The following CPA6 variants were observed in gnomAD, a reference collection of about 807,000 sequenced individuals.
CPA6 encodes the protein carboxypeptidase B.
Under a neutral mutation model 63.3 loss-of-function variants are expected in CPA6, and 58 were observed. That is an observed-to-expected ratio of 0.92 (90% CI 0.74 to 1.14). The LOEUF is 1.14. CPA6 is among the 50% of genes most tolerant of loss of function. CPA6 has a pLI of 0.00. For missense variants in CPA6, 565 were observed against 526.6 expected (o/e 1.07, Z -0.71); for synonymous variants, 185 against 179.0 (o/e 1.03, Z -0.27).
chr8:67,721,501 C>T (rs1288379241), intron 1 of CPA6, among the ~76,000 whole-genome samples: 2 of 152,144 alleles, frequency 1.3e-5, no homozygotes, highest in Non-Finnish European at 2.9e-5. Context: ...TTTTGATGTA[C>T]CTTGTCACCC....
chr8:67,662,633 A>T (rs1358739180), intron 1 of CPA6, among the ~76,000 whole-genome samples: 4 of 151,076 alleles, frequency 2.6e-5, no homozygotes, highest in African/African-American at 9.8e-5. Context: ...TAGAATACAT[A>T]CACACATGTA....
At chr8:67,611,677 G>A (rs1814810655) in intron 2 of CPA6, among the ~76,000 whole-genome samples, 2 of 152,156 alleles carry the variant, frequency 1.3e-5, no homozygotes, top group Admixed American at 6.5e-5. Context: ...ACACTGGGAA[G>A]GAAGGAAATT....
At chr8:67,607,935 A>G (rs1814708178) in intron 2 of CPA6, among the ~76,000 whole-genome samples, 1 of 152,114 alleles carries the variant, frequency 6.6e-6, no homozygotes. Context: ...TTGGTCACAT[A>G]ACAGACAAAG....
intron 1 of CPA6, among the ~76,000 whole-genome samples, chr8:67,736,212 C>T (rs553475589): frequency 6.6e-6 from 1 of 152,312 alleles, no homozygotes; most frequent in East Asian, 1.9e-4. Flanking sequence ...CTTATTTCTA[C>T]CACCTGGTGT....
chr8:67,468,699 T>C (rs1052119661), intron 8 of CPA6, among the ~76,000 whole-genome samples: 11 of 152,180 alleles, frequency 7.2e-5, no homozygotes, highest in Admixed American at 2.0e-4. Context: ...CTCTGTGACA[T>C]AACCCCACTT....
chr8:67,697,776 A>AAT (rs1563397689), intron 1 of CPA6, among the ~76,000 whole-genome samples: 2 of 151,856 alleles, frequency 1.3e-5, no homozygotes, highest in African/African-American at 4.8e-5. Context: ...GAAAAAAAAA[A>AAT]CTAATTTTAT....
intron 2 of CPA6, among the ~76,000 whole-genome samples, chr8:67,613,689 A>T (rs1366844322): frequency 6.6e-6 from 1 of 152,232 alleles, no homozygotes; most frequent in Non-Finnish European, 1.5e-5. Context: ...TCCTGGGTAG[A>T]AGAGGGCAGT....
At chr8:67,518,594 C>A (rs1428158947) in intron 2 of CPA6, among the ~76,000 whole-genome samples, 1 of 150,406 alleles carries the variant, frequency 6.6e-6, no homozygotes, top group African/African-American at 2.4e-5. Context: ...GCAATCTCTG[C>A]CTCCTGGGTT....
intron 2 of CPA6, among the ~76,000 whole-genome samples, chr8:67,521,304 T>C (rs1231278235): frequency 1.3e-5 from 2 of 152,252 alleles, no homozygotes; most frequent in Admixed American, 6.5e-5. Flanking sequence ...GGTATTTCAG[T>C]GTCTTGCTCA....
intron 8 of CPA6, among the ~76,000 whole-genome samples, chr8:67,472,687 C>T (rs184773062): frequency 1.3e-4 from 20 of 152,250 alleles, no homozygotes; most frequent in Middle Eastern, 6.8e-3. Flanking sequence ...CTTGGCCTCC[C>T]CAAATGCTGG....
At chr8:67,515,673 C>T (rs1166697775) in intron 3 of CPA6, among the ~76,000 whole-genome samples, 1 of 152,142 alleles carries the variant, frequency 6.6e-6, no homozygotes, top group Admixed American at 6.5e-5. Context: ...TTTCTCCCAC[C>T]TCCTCTAATC....
At chr8:67,447,382 T>A (rs1810449549) in intron 8 of CPA6, among the ~76,000 whole-genome samples, 1 of 152,104 alleles carries the variant, frequency 6.6e-6, no homozygotes, top group Non-Finnish European at 1.5e-5. Flanking sequence ...ACATGACTAC[T>A]GACCTGAAAG....
At chr8:67,496,538 T>C (rs1811718172) in intron 6 of CPA6, among the ~76,000 whole-genome samples, 1 of 139,242 alleles carries the variant, frequency 7.2e-6, no homozygotes, top group Non-Finnish European at 1.5e-5. Flanking sequence ...TATATATATA[T>C]ATATATATAT....
chr8:67,506,800 C>T lies in CPA6; in HGVS notation c.623G>A (p.Trp208Ter), dbSNP rs1811936949. ...GGTTTAACTTACTTCTTTTACAAAC[C>T]ACTGACAAAAGGCAGGACCAATCCA... Reference protein sequence around the residue: ...REWIGPAFCQWFVKEALLTYK... With the variant: ...REWIGPAFCQ The change falls in exon 6 of 11, where the codon TGG becomes TAG. Residue 208 changes from tryptophan (W) to a stop codon, truncating the protein, a stop_gained. Transcript: ENST00000297770. LOFTEE classifies it high-confidence loss of function. The T allele has an allele frequency of 6.2e-7, 1 of 1,610,272 alleles. No homozygotes were observed. The highest frequency in any genetic ancestry group is 8.5e-7 in the Non-Finnish European group (1 of 1,176,670).
intron 3 of CPA6, among the ~76,000 whole-genome samples, chr8:67,515,312 T>G (rs1875714): frequency 1.3e-5 from 2 of 151,960 alleles, no homozygotes; most frequent in Non-Finnish European, 2.9e-5. Flanking sequence ...TCCACTGATG[T>G]CCCTTCTCGC....
At chr8:67,683,832 A>G (rs1816649198) in intron 1 of CPA6, among the ~76,000 whole-genome samples, 1 of 150,986 alleles carries the variant, frequency 6.6e-6, no homozygotes, top group African/African-American at 2.4e-5. Context: ...TATTCTTCAT[A>G]TTGGGGGGAG....
At chr8:67,464,760 A>G (rs1810889218) in intron 8 of CPA6, among the ~76,000 whole-genome samples, 1 of 152,234 alleles carries the variant, frequency 6.6e-6, no homozygotes, top group Non-Finnish European at 1.5e-5. Flanking sequence ...CATTTATTGA[A>G]TACGGAGTCC....
intron 2 of CPA6, among the ~76,000 whole-genome samples, chr8:67,553,396 A>G (rs959454852): frequency 5.9e-5 from 9 of 152,182 alleles, no homozygotes; most frequent in African/African-American, 2.2e-4. Context: ...CAGATAAACA[A>G]TTTTATGGTA....
chr8:67,447,699 C>G (rs753806567), intron 8 of CPA6, among the ~76,000 whole-genome samples: 5 of 152,178 alleles, frequency 3.3e-5, no homozygotes, highest in Non-Finnish European at 7.3e-5. Context: ...TACCATCTCT[C>G]CTTCATCCCT....
Sources: gnomAD v4.1 joint callset for allele counts (sites outside exome capture counted in the v4.1 genomes callset) on GRCh38, gnomAD v4.1.1 for gene constraint, MANE v1.5 for transcripts, NCBI Gene and HGNC (gene_info 2026-07-23, HGNC 2026-07-21) for gene names.